STAC: variants seen among roughly 807,000 people sequenced by gnomAD.
The protein encoded by STAC is SH3 and cysteine rich domain.
Under a neutral mutation model 48.8 loss-of-function variants are expected in STAC, and 43 were observed. The observed-to-expected ratio is 0.88, with a 90% CI of 0.69 to 1.14. The LOEUF is 1.14. Among genes scored for constraint, STAC ranks in the 50% most tolerant of loss-of-function variants. STAC has a pLI of 0.00. For synonymous variants in STAC, 193 were observed against 179.5 expected (o/e 1.07, Z -0.60); for missense variants, 497 against 504.0 (o/e 0.99, Z 0.13).
intron 2 of STAC, among the ~76,000 whole-genome samples, chr3:36,447,851 T>C (rs1200443091): frequency 6.6e-6 from 1 of 152,228 alleles, no homozygotes; most frequent in African/African-American, 2.4e-5. Flanking sequence ...TAATTGAAGT[T>C]GTTTTAGGAG....
At chr3:36,452,542 G>A (rs1018324235) in intron 2 of STAC, among the ~76,000 whole-genome samples, 2 of 152,202 alleles carry the variant, frequency 1.3e-5, no homozygotes, top group Non-Finnish European at 2.9e-5. Context: ...TGGCCAATAT[G>A]AATTTGTTAA....
chr3:36,484,321 C>T (rs1697741043), intron 3 of STAC, among the ~76,000 whole-genome samples: 1 of 152,204 alleles, frequency 6.6e-6, no homozygotes, highest in East Asian at 1.9e-4. Flanking sequence ...ACCAAGTTCC[C>T]ATCCAGTAAT....
At chr3:36,429,888 G>A (rs1700657235) in intron 1 of STAC, among the ~76,000 whole-genome samples, 1 of 152,204 alleles carries the variant, frequency 6.6e-6, no homozygotes, top group Non-Finnish European at 1.5e-5. Flanking sequence ...AATTATAAAG[G>A]AAAACTGGAG....
intron 1 of STAC, among the ~76,000 whole-genome samples, chr3:36,394,416 A>C (rs1420797561): frequency 6.6e-6 from 1 of 152,224 alleles, no homozygotes; most frequent in African/African-American, 2.4e-5. Context: ...AGTTTGAAAG[A>C]AAACCACTGG....
intron 10 of STAC, among the ~76,000 whole-genome samples, chr3:36,534,509 A>T (rs933400135): frequency 6.6e-6 from 1 of 152,222 alleles, no homozygotes; most frequent in Non-Finnish European, 1.5e-5. Context: ...GATTCTAAAG[A>T]TAAATGCAAT....
Position 36,430,699 on chromosome 3 carries a change from C to T in STAC, c.112-12665C>T, listed in dbSNP as rs951417764. Among the ~76,000 whole-genome samples the T allele has an allele frequency of 2.6e-5, 4 of 152,296 alleles. No homozygotes were observed. In the South Asian group the frequency reaches 8.3e-4, roughly 32 times the overall value. On this transcript the variant is annotated intron_variant, in intron 1 of 10. Transcript: ENST00000273183. Reference sequence around the variant, plus strand: ...ACCACAGACTGGGTGGCATAAACAACAGAAATTTATTTTCTTGCAGCTCTA... The same window carrying T: ...ACCACAGACTGGGTGGCATAAACAATAGAAATTTATTTTCTTGCAGCTCTA...
Position 36,496,030 on chromosome 3 carries a change from G to A in STAC, c.766+2801G>A, listed in dbSNP as rs150433386. ...ACATGCACACAATATCCCCCGTATA[G>A]ATAAGGAAACTAAGTCACAGAGTAG... is the stretch of plus-strand genomic sequence containing the variant. On this transcript the variant is annotated intron_variant, in intron 6 of 10. Coordinates refer to ENST00000273183, the MANE Select transcript of STAC (RefSeq NM_003149.3). Among the ~76,000 whole-genome samples, 752 of 152,254 alleles carry A rather than the reference G, an allele frequency of 4.9e-3. 2 individuals carry two copies. Among genetic ancestry groups the A allele is most frequent in the Middle Eastern group, 0.01 (3 of 294 alleles).
In STAC at chr3:36,398,363, GAAAGA is replaced by G. The variant is rs1553631484; in HGVS notation, c.111+17617_111+17621del. Among the ~76,000 whole-genome samples, 147 of 124,952 alleles carry G rather than the reference GAAAGA, an allele frequency of 1.2e-3. 3 individuals carry two copies. Among genetic ancestry groups the G allele is most frequent in the East Asian group, 5.9e-3 (23 of 3,926 alleles). 82.0% of individuals were successfully genotyped at this position (124,952 alleles called of 152,430 possible). A position where few individuals can be genotyped will look rare whatever the true frequency, so the allele number is the denominator to read the frequency against. Reference sequence around the variant, plus strand: ...AGAAAGAAAGAAAGAAAGAAAGAAAGAAAGAAAAGAAAGAGAGAAAGAAAGAAAGA... The same window carrying G: ...AGAAAGAAAGAAAGAAAGAAAGAAAGAAAGAAAGAGAGAAAGAAAGAAAGA... On this transcript the variant is annotated intron_variant, in intron 1 of 10. Transcript: ENST00000273183.
intron 8 of STAC, among the ~76,000 whole-genome samples, chr3:36,515,890 C>T (rs1194524656): frequency 6.7e-6 from 1 of 150,286 alleles, no homozygotes; most frequent in Non-Finnish European, 1.5e-5. Flanking sequence ...GGCCTTCTAT[C>T]TTTGCAACTA....
At chr3:36,457,678 A>G (rs1358268794) in intron 2 of STAC, among the ~76,000 whole-genome samples, 2 of 152,224 alleles carry the variant, frequency 1.3e-5, no homozygotes, top group Non-Finnish European at 2.9e-5. Flanking sequence ...AGCAGATATT[A>G]TTAATACCGG....
chr3:36,449,657 A>G (rs1308814687), intron 2 of STAC, among the ~76,000 whole-genome samples: 2 of 152,236 alleles, frequency 1.3e-5, no homozygotes, highest in African/African-American at 4.8e-5. Context: ...CTCATTGAAA[A>G]TTACTTAAAT....
At chr3:36,527,541 A>C (rs893336100) in intron 8 of STAC, among the ~76,000 whole-genome samples, 3 of 152,210 alleles carry the variant, frequency 2.0e-5, no homozygotes, top group African/African-American at 7.2e-5. Flanking sequence ...AATTGAGAAA[A>C]AAATTTAAGA....
intron 2 of STAC, among the ~76,000 whole-genome samples, chr3:36,468,841 G>A (rs1179523756): frequency 1.3e-5 from 2 of 150,848 alleles, no homozygotes. Flanking sequence ...ATTATATAAT[G>A]TTCCTCTTCT....
intron 1 of STAC, among the ~76,000 whole-genome samples, chr3:36,433,867 T>C (rs745675413): frequency 6.6e-6 from 1 of 152,222 alleles, no homozygotes; most frequent in Non-Finnish European, 1.5e-5. Context: ...TAGTCATTAA[T>C]AACTGGTTTT....
At chr3:36,474,744 ATT>A (rs1236787246) in intron 2 of STAC, among the ~76,000 whole-genome samples, 3 of 152,226 alleles carry the variant, frequency 2.0e-5, no homozygotes, top group Non-Finnish European at 4.4e-5. Flanking sequence ...ACATTTATTC[ATT>A]CTTTCCAATG....
chr3:36,502,211 C>T (rs1454824866), intron 6 of STAC, among the ~76,000 whole-genome samples: 1 of 152,102 alleles, frequency 6.6e-6, no homozygotes, highest in Non-Finnish European at 1.5e-5. Context: ...ACTATGCCTA[C>T]ATAATAGACA....
At chr3:36,515,001 G>T (rs1698637113) in intron 8 of STAC, among the ~76,000 whole-genome samples, 1 of 151,768 alleles carries the variant, frequency 6.6e-6, no homozygotes, top group South Asian at 2.1e-4. Context: ...TCACGCCATT[G>T]CCCTCCAGCC....
chr3:36,418,785 C>A (rs140237489), intron 1 of STAC, among the ~76,000 whole-genome samples: 32 of 152,132 alleles, frequency 2.1e-4, no homozygotes, highest in African/African-American at 7.7e-4. Context: ...TGGTGGCTCA[C>A]GCCTGTAATC....
intron 2 of STAC, among the ~76,000 whole-genome samples, chr3:36,446,077 A>T (rs1487677066): frequency 6.6e-6 from 1 of 152,106 alleles, no homozygotes; most frequent in East Asian, 1.9e-4. Flanking sequence ...TTAGCTTCTT[A>T]TTGCCAGCTA....
Sources: allele counts gnomAD v4.1 joint callset (sites outside exome capture counted in the v4.1 genomes callset), GRCh38; gene constraint gnomAD v4.1.1; transcripts MANE v1.5; gene names NCBI Gene and HGNC (gene_info 2026-07-23, HGNC 2026-07-21).